PDE12: variants seen among roughly 807,000 people sequenced by gnomAD.
PDE12 encodes the protein phosphodiesterase 12, also known as 2',5'-phosphodiesterase 12.
PDE12 carries 26 observed loss-of-function variants against 45.4 expected under a neutral mutation model. The observed-to-expected ratio is 0.57, with a 90% CI of 0.42 to 0.79. PDE12 has a LOEUF of 0.79. Ranked by LOEUF, PDE12 falls within the 30% of genes least tolerant of loss-of-function variation. The pLI, the probability that PDE12 is intolerant of heterozygous loss-of-function variation, is 0.00. For missense variants in PDE12, 668 were observed against 790.0 expected (o/e 0.85, Z 1.85); for synonymous variants, 283 against 323.9 (o/e 0.87, Z 1.36).
At chr3:57,615,006 GT>G in the PDE12 span, among the ~76,000 whole-genome samples, 1 of 146,530 alleles carries the variant, frequency 6.8e-6, no homozygotes, top group Non-Finnish European at 1.5e-5. Context: ...AAAAAAAAAA[GT>G]TTTTTTTATG....
chr3:57,618,975 C>T, the PDE12 span, among the ~76,000 whole-genome samples: 6 of 151,900 alleles, frequency 3.9e-5, no homozygotes, highest in Non-Finnish European at 7.4e-5. Context: ...ATACATTTAA[C>T]GAATTAAATA....
At chr3:57,581,168 A>AT in the PDE12 span, among the ~76,000 whole-genome samples, 254 of 152,340 alleles carry the variant, frequency 1.7e-3, no homozygotes, top group African/African-American at 5.7e-3. Flanking sequence ...GTTTGTTAGT[A>AT]TAAGTTAGAA....
At chr3:57,641,321 T>C in the PDE12 span, among the ~76,000 whole-genome samples, 1 of 144,554 alleles carries the variant, frequency 6.9e-6, no homozygotes, top group East Asian at 2.0e-4. Context: ...TTATATTCAA[T>C]ATATTATATT....
chr3:57,556,795 T>C lies in PDE12; in HGVS notation c.416T>C (p.Val139Ala), dbSNP rs2069666527. 6.2e-7 allele frequency: 1 copy of C among 1,612,390 alleles called. No individual in the cohort carries two copies. The highest frequency in any genetic ancestry group is 8.5e-7 in the Non-Finnish European group (1 of 1,178,852). ...GCAGTGGCTGAGGACGTGCTCAACG[T>C]GGATGCCTGGCAAGACGGCGCGGTG... The part of the protein sequence containing the change: ...EEAVAEDVLN[V>A]DAWQDGAVLQ... Residue 139 changes from valine to alanine, a missense_variant, in exon 1 of 3, where the codon GTG becomes GCG. Val to Ala is a moderately conservative substitution (Grantham distance 64). Around this residue, in one of 3 missense-constraint regions of PDE12, gnomAD observed 580 missense variants for 662.9 expected, o/e 0.87. Transcript: ENST00000311180. This position sits in a 1 kb window ranked among gnomAD's most constrained non-coding sequence, Gnocchi z 5.0.
At chr3:57,606,130 AT>A in the PDE12 span, among the ~76,000 whole-genome samples, 3 of 152,144 alleles carry the variant, frequency 2.0e-5, no homozygotes, top group East Asian at 1.9e-4. Context: ...ACACGTATAG[AT>A]GCTTTACTAA....
chr3:57,590,209 G>C, the PDE12 span, among the ~76,000 whole-genome samples: 1 of 151,658 alleles, frequency 6.6e-6, no homozygotes, highest in African/African-American at 2.4e-5. Context: ...AATTGAGGCC[G>C]GGTGCAGTGG....
downstream of PDE12, among the ~76,000 whole-genome samples, chr3:57,570,263 G>A (rs1236710628): frequency 8.4e-6 from 1 of 119,368 alleles, no homozygotes; most frequent in Non-Finnish European, 1.6e-5. Flanking sequence ...TGCAGACCGT[G>A]TGCAGTGGCG....
chr3:57,616,494 G>A, the PDE12 span, among the ~76,000 whole-genome samples: 1 of 151,576 alleles, frequency 6.6e-6, no homozygotes, highest in African/African-American at 2.4e-5. Flanking sequence ...GAAGGAGGAA[G>A]AGGAGGAGGA....
chr3:57,567,187 C>G (rs1256472707), downstream of PDE12, among the ~76,000 whole-genome samples: 1 of 152,014 alleles, frequency 6.6e-6, no homozygotes, highest in Non-Finnish European at 1.5e-5. Flanking sequence ...TGGTACACGC[C>G]TGTAGTCCCA....
chr3:57,640,515 C>T, the PDE12 span, among the ~76,000 whole-genome samples: 1 of 149,904 alleles, frequency 6.7e-6, no homozygotes, highest in African/African-American at 2.5e-5. Context: ...AACACTTGAA[C>T]CTGGGAGAGC....
the PDE12 span, chr3:57,572,033 G>A: frequency 5.9e-6 from 3 of 511,744 alleles, no homozygotes; most frequent in Non-Finnish European, 1.0e-5. Context: ...TTAAAACCAA[G>A]CACATTGCTA....
chr3:57,556,916 G>C lies in PDE12; in HGVS notation c.537G>C (p.Val179=). Residue 179 remains valine (V), a synonymous_variant, in exon 1 of 3, where the codon GTG becomes GTC. Transcript: ENST00000311180. The surrounding 1 kb of genome is among the most constrained non-coding windows in gnomAD (Gnocchi z 5.0). ...LPRYIMAGFP[V]CPKLSLEFGD... is the part of the protein sequence containing the mutation. Reference sequence around the variant, plus strand: ...GCTACATCATGGCCGGGTTCCCTGTGTGCCCCAAACTCAGCCTCGAATTTG... The same window carrying C: ...GCTACATCATGGCCGGGTTCCCTGTCTGCCCCAAACTCAGCCTCGAATTTG... 1 of 1,614,206 alleles carries C rather than the reference G, an allele frequency of 6.2e-7. No homozygotes were observed. The highest frequency in any genetic ancestry group is 8.5e-7 in the Non-Finnish European group (1 of 1,180,048).
the PDE12 span, chr3:57,629,021 A>C: frequency 1.6e-6 from 1 of 611,574 alleles, no homozygotes; most frequent in Non-Finnish European, 2.7e-6. Flanking sequence ...ATATAGCATT[A>C]TAGTGCAAGA....
chr3:57,646,150 A>G, the PDE12 span, among the ~76,000 whole-genome samples: 2 of 152,220 alleles, frequency 1.3e-5, no homozygotes, highest in African/African-American at 2.4e-5. Context: ...CATCCATAAA[A>G]TGGTGCTATA....
chr3:57,652,489 C>T, the PDE12 span, among the ~76,000 whole-genome samples: 2 of 152,178 alleles, frequency 1.3e-5, no homozygotes, highest in African/African-American at 4.8e-5. Context: ...GCCAGAACTA[C>T]CCACCTAAGC....
chr3:57,630,958 C>G, the PDE12 span: 2 of 1,613,302 alleles, frequency 1.2e-6, no homozygotes, highest in East Asian at 2.2e-5. Flanking sequence ...GCAAAGGCAT[C>G]AAGCTTGCCA....
At chr3:57,583,739 AG>A in the PDE12 span, among the ~76,000 whole-genome samples, 48 of 152,310 alleles carry the variant, frequency 3.2e-4, no homozygotes, top group African/African-American at 1.1e-3. Context: ...TTAGCCTTCA[AG>A]GCCTAAGTGA....
the PDE12 span, among the ~76,000 whole-genome samples, chr3:57,642,520 T>C: frequency 2.0e-5 from 3 of 151,996 alleles, no homozygotes; most frequent in African/African-American, 7.2e-5. Context: ...GGCCTGTCTG[T>C]AGAACTACAC....
the PDE12 span, among the ~76,000 whole-genome samples, chr3:57,593,826 C>G: frequency 2.0e-5 from 3 of 151,974 alleles, no homozygotes; most frequent in African/African-American, 7.3e-5. Context: ...CGCTTCAGCC[C>G]AAGAACAGGC....
Sources: gnomAD v4.1 joint callset for allele counts (sites outside exome capture counted in the v4.1 genomes callset) on GRCh38, gnomAD v4.1.1 for gene constraint, gnomAD v4.1.1 regional missense constraint, Gnocchi (gnomAD v3.1) non-coding constraint, MANE v1.5 for transcripts, NCBI Gene and HGNC (gene_info 2026-07-23, HGNC 2026-07-21) for gene names.